The following DACH1 variants were observed in gnomAD, a reference collection of about 807,000 sequenced individuals.
DACH1 encodes the protein dachshund homolog 1.
A neutral mutation model predicts 54.2 loss-of-function variants in DACH1; 12 were observed. The ratio of observed to expected loss-of-function variants is 0.22; its 90% CI spans 0.14 to 0.36. The LOEUF (loss-of-function observed/expected upper bound fraction) is 0.36, where lower values mean the gene tolerates loss of function less well. Among genes scored for constraint, DACH1 ranks in the 10% least tolerant of loss-of-function variants. The probability of loss-of-function intolerance (pLI) is 1.00; values close to 1 mark genes in which losing one functional copy is unlikely to be tolerated. For missense variants in DACH1, 805 were observed against 929.8 expected (o/e 0.87, Z 1.75); for synonymous variants, 386 against 366.2 (o/e 1.05, Z -0.62).
chr13:71,735,639 A>G lies in DACH1; in HGVS notation c.849-53729T>C, dbSNP rs77922742. ...TGTATATGGCATATGTGTATATGGG[A>G]TATACGTGTATATATATGGGATTAT... On this transcript the variant is annotated intron_variant, in intron 1 of 10. Coordinates refer to ENST00000613252, the MANE Select transcript of DACH1 (RefSeq NM_080759.6). Among the ~76,000 whole-genome samples the G allele has an allele frequency of 3.8e-3, 562 of 148,364 alleles. 2 individuals are homozygous for G. The highest frequency in any genetic ancestry group is 0.014 in the African/African-American group (522 of 38,602).
At chr13:71,864,565 T>G (rs547831960) in intron 1 of DACH1, among the ~76,000 whole-genome samples, 2 of 152,278 alleles carry the variant, frequency 1.3e-5, no homozygotes, top group Non-Finnish European at 2.9e-5. Context: ...TGCGCAAATT[T>G]TGCGCGCAGT....
intron 1 of DACH1, among the ~76,000 whole-genome samples, chr13:71,703,640 A>C (rs1882276847): frequency 6.6e-6 from 1 of 152,242 alleles, no homozygotes; most frequent in Admixed American, 6.5e-5. Flanking sequence ...AGAATGCATC[A>C]GAAGTAAACA....
chr13:71,560,559 A>G (rs1884520377), intron 4 of DACH1, among the ~76,000 whole-genome samples: 1 of 152,120 alleles, frequency 6.6e-6, no homozygotes, highest in African/African-American at 2.4e-5. Context: ...CTTCAATTCA[A>G]CCACACAACT....
chr13:71,799,271 A>G (rs1887190346), intron 1 of DACH1, among the ~76,000 whole-genome samples: 1 of 152,152 alleles, frequency 6.6e-6, no homozygotes, highest in Admixed American at 6.6e-5. Flanking sequence ...AAATGCTGGT[A>G]TGTCTTATTT....
intron 1 of DACH1, among the ~76,000 whole-genome samples, chr13:71,826,062 C>T (rs570670808): frequency 1.3e-5 from 2 of 152,166 alleles, no homozygotes; most frequent in South Asian, 4.1e-4. Context: ...AATTTTGCAT[C>T]TTAAAAACTG....
intron 2 of DACH1, among the ~76,000 whole-genome samples, chr13:71,631,064 A>T (rs1163020506): frequency 6.6e-6 from 1 of 152,160 alleles, no homozygotes; most frequent in East Asian, 1.9e-4. Context: ...CGGAGGGAAA[A>T]ATCTGAACTG....
intron 3 of DACH1, among the ~76,000 whole-genome samples, chr13:71,574,147 T>C (rs1022653613): frequency 6.6e-6 from 1 of 152,118 alleles, no homozygotes; most frequent in African/African-American, 2.4e-5. Flanking sequence ...AAGAGAAACA[T>C]ACATTATGTC....
intron 3 of DACH1, among the ~76,000 whole-genome samples, chr13:71,592,488 C>T (rs1310016494): frequency 7.1e-5 from 5 of 70,264 alleles, no homozygotes; most frequent in African/African-American, 3.5e-4. Flanking sequence ...TAGCAAGACT[C>T]TATCTCAAAA....
rs562059467 is a variant in DACH1 at position 71,675,806 on chromosome 13, A to AT, written c.964+5988dup. On this transcript the variant is annotated intron_variant, in intron 2 of 10. Transcript: ENST00000613252. ...TTTTCTGGACAATGCCAGCATTTGG[A>AT]TTTTTTTAAAACAAGTAAACTTCTT... Among the ~76,000 whole-genome samples, 551 of 152,268 alleles carry AT rather than the reference A, an allele frequency of 3.6e-3. 1 individual carries two copies. The highest frequency in any genetic ancestry group is 6.7e-3 in the Non-Finnish European group (453 of 68,006).
At chr13:71,614,398 T>A (rs2138524330) in intron 3 of DACH1, among the ~76,000 whole-genome samples, 1 of 152,156 alleles carries the variant, frequency 6.6e-6, no homozygotes, top group East Asian at 1.9e-4. Flanking sequence ...ATTTACAGAA[T>A]CCTGAGAAAT....
At chr13:71,450,035 G>A (rs192655669) in intron 10 of DACH1, among the ~76,000 whole-genome samples, 149 of 152,154 alleles carry the variant, frequency 9.8e-4, no homozygotes, top group African/African-American at 3.2e-3. Context: ...TAACCTGCAC[G>A]TTGTGCACAT....
chr13:71,598,111 A>G (rs1197599853), intron 3 of DACH1, among the ~76,000 whole-genome samples: 1 of 151,998 alleles, frequency 6.6e-6, no homozygotes, highest in Non-Finnish European at 1.5e-5. Context: ...ATAAGATAGG[A>G]AAAAAAGAGA....
Position 71,471,611 on chromosome 13 carries a change from G to T in DACH1, c.2083+3530C>A, listed in dbSNP as rs182193988. ...CCGTCTCTACTAAAAACACCACCGGGCCTGGTGGTGCACGCCCGTAGTCCC... is the reference window on the plus strand; with the variant it reads ...CCGTCTCTACTAAAAACACCACCGGTCCTGGTGGTGCACGCCCGTAGTCCC... On this transcript the variant is annotated intron_variant, in intron 10 of 10. Coordinates refer to ENST00000613252, the MANE Select transcript of DACH1 (RefSeq NM_080759.6). 3.2e-4 allele frequency among the ~76,000 whole-genome samples: 49 copies of T among 151,898 alleles called. No individual in the cohort carries two copies. In the East Asian group the frequency reaches 9.0e-3, roughly 28 times the overall value.
At chr13:71,557,985 T>G (rs1379970261) in intron 5 of DACH1, among the ~76,000 whole-genome samples, 1 of 152,066 alleles carries the variant, frequency 6.6e-6, no homozygotes, top group East Asian at 1.9e-4. Context: ...AAAAAAATCT[T>G]GCTTTAAAAA....
At chr13:71,595,670 C>A (rs1318615139) in intron 3 of DACH1, among the ~76,000 whole-genome samples, 1 of 152,126 alleles carries the variant, frequency 6.6e-6, no homozygotes, top group Non-Finnish European at 1.5e-5. Context: ...TCTCACAATT[C>A]TGGAAGCTGG....
At chr13:71,829,348 G>C (rs532730339) in intron 1 of DACH1, among the ~76,000 whole-genome samples, 1 of 151,986 alleles carries the variant, frequency 6.6e-6, no homozygotes, top group Non-Finnish European at 1.5e-5. Flanking sequence ...AAATAGAATA[G>C]AATGACTTTG....
chr13:71,762,350 C>T (rs1252509120), intron 1 of DACH1, among the ~76,000 whole-genome samples: 3 of 152,048 alleles, frequency 2.0e-5, no homozygotes, highest in Non-Finnish European at 2.9e-5. Context: ...AAGCAAAGTT[C>T]CTGCCATGTT....
At chr13:71,493,023 A>G (rs1190941951) in intron 6 of DACH1, among the ~76,000 whole-genome samples, 1 of 151,100 alleles carries the variant, frequency 6.6e-6, no homozygotes, top group East Asian at 2.0e-4. Context: ...CATGTTCTTA[A>G]TGAGTTTTTT....
At chr13:71,667,169 T>A (rs1195820658) in intron 2 of DACH1, among the ~76,000 whole-genome samples, 1 of 152,138 alleles carries the variant, frequency 6.6e-6, no homozygotes, top group Non-Finnish European at 1.5e-5. Context: ...GACTAAGATC[T>A]CACTTTAAAT....
Sources: allele counts gnomAD v4.1 joint callset (sites outside exome capture counted in the v4.1 genomes callset), GRCh38; gene constraint gnomAD v4.1.1; transcripts MANE v1.5; gene names NCBI Gene and HGNC (gene_info 2026-07-23, HGNC 2026-07-21).